Variants in SHISA6 observed in about 807,000 individuals in gnomAD.
The protein encoded by SHISA6 is shisa family member 6.
Under a neutral mutation model 47.9 loss-of-function variants are expected in SHISA6, and 22 were observed. The ratio of observed to expected loss-of-function variants is 0.46; its 90% CI spans 0.33 to 0.66. SHISA6 has a LOEUF of 0.66. Ranked by LOEUF, SHISA6 falls within the 30% of genes least tolerant of loss-of-function variation. SHISA6 has a pLI of 0.02. For missense variants in SHISA6, 680 were observed against 764.6 expected, an observed-to-expected ratio of 0.89 and a Z score of 1.30; for synonymous variants, 388 against 337.8, an observed-to-expected ratio of 1.15 and a Z score of -1.63.
chr17:11,317,921 C>A (rs1174276178), intron 2 of SHISA6, among the ~76,000 whole-genome samples: 1 of 151,744 alleles, frequency 6.6e-6, no homozygotes, highest in Non-Finnish European at 1.5e-5. Context: ...TAAGGTAAAC[C>A]CTTTTTACTT....
intron 3 of SHISA6, among the ~76,000 whole-genome samples, chr17:11,521,163 C>G (rs1000124605): frequency 6.6e-6 from 1 of 152,120 alleles, no homozygotes; most frequent in East Asian, 1.9e-4. Flanking sequence ...TATTTGCTAA[C>G]AAAAATTTCT....
intron 3 of SHISA6, among the ~76,000 whole-genome samples, chr17:11,544,478 A>G (rs2071864731): frequency 6.6e-6 from 1 of 152,224 alleles, no homozygotes; most frequent in African/African-American, 2.4e-5. Context: ...CATAAGGGAA[A>G]TGCACATTAA....
chr17:11,553,558 G>GTT (rs1283562119), intron 4 of SHISA6, among the ~76,000 whole-genome samples: 2 of 152,172 alleles, frequency 1.3e-5, no homozygotes, highest in Admixed American at 1.3e-4. Context: ...TGAGAGTAGA[G>GTT]TTTTCTCTGC....
Position 11,452,820 on chromosome 17 carries a change from A to G in SHISA6, c.895+73311A>G, listed in dbSNP as rs979027521. Among the ~76,000 whole-genome samples the G allele has an allele frequency of 5.3e-5, 7 of 132,624 alleles. No homozygotes were observed. The Admixed American group carries it at 5.6e-4, about 11-fold the overall frequency. 87.0% of individuals were successfully genotyped at this position (132,624 alleles called of 152,430 possible). ...TCATCCTCTCTTTTTTCCTCCTCTT[A>G]TTCTCCTCTTACTCTCTTCCTCTAC... On this transcript the variant is annotated intron_variant, in intron 3 of 5. Coordinates refer to ENST00000441885, the MANE Select transcript of SHISA6 (RefSeq NM_207386.4).
At position 11,241,590 on chromosome 17, in the gene SHISA6, C is replaced by T; in HGVS notation, c.168C>T (p.Arg56=). Residue 56 remains arginine, a synonymous_variant, in exon 1 of 6, where the codon CGC becomes CGT. Transcript: ENST00000441885. This position sits in a 1 kb window ranked among gnomAD's most constrained non-coding sequence, Gnocchi z 5.5. The stretch of plus-strand genomic sequence containing the variant: ...GGGGCGCCCTGGCACGGGGCGGCCG[C>T]GAGCTGAACGGCACCGCCCGGGCGC... ...RAGGALARGG[R]ELNGTARAPG... is the part of the protein sequence containing the mutation. The T allele has an allele frequency of 7.7e-6, 9 of 1,176,356 alleles. No homozygotes were observed. The highest frequency in any genetic ancestry group is 7.3e-6 in the Non-Finnish European group (7 of 955,656). The allele number at this position is 1,176,356 out of a possible 1,614,324, so 72.9% of individuals were successfully genotyped here.
chr17:11,555,283 A>G (rs967902094), intron 4 of SHISA6, among the ~76,000 whole-genome samples: 21 of 152,096 alleles, frequency 1.4e-4, no homozygotes, highest in African/African-American at 3.9e-4. Flanking sequence ...CAGTTCTTCT[A>G]TGGGTACATA....
intron 2 of SHISA6, among the ~76,000 whole-genome samples, chr17:11,336,218 G>GTAA (rs1042956584): frequency 9.2e-5 from 14 of 151,844 alleles, no homozygotes; most frequent in African/African-American, 3.4e-4. Flanking sequence ...AGAAATAATA[G>GTAA]TAATAATAAT....
chr17:11,291,226 T>A (rs1035492316), intron 2 of SHISA6, among the ~76,000 whole-genome samples: 1 of 151,862 alleles, frequency 6.6e-6, no homozygotes, highest in Non-Finnish European at 1.5e-5. Flanking sequence ...CCCATGCATA[T>A]AATTAAAATA....
At chr17:11,348,237 A>G (rs924540261) in intron 2 of SHISA6, among the ~76,000 whole-genome samples, 1 of 152,164 alleles carries the variant, frequency 6.6e-6, no homozygotes, top group African/African-American at 2.4e-5. Flanking sequence ...TGCTCTATTT[A>G]TGGGACCAAA....
rs181520053 is a variant in SHISA6, at chr17:11,385,106, T to G, written c.895+5597T>G. On this transcript the variant is annotated intron_variant, in intron 3 of 5. Transcript: ENST00000441885. ...AGTAGGTCCAATGGAGTTAGGAGCT[T>G]TGGAGCAATTAAGGCAGGGAATGGA... Among the ~76,000 whole-genome samples the G allele has an allele frequency of 8.9e-4, 135 of 152,166 alleles. 3 individuals are homozygous for G. The highest frequency in any genetic ancestry group is 3.1e-3 in the African/African-American group (128 of 41,496).
intron 2 of SHISA6, among the ~76,000 whole-genome samples, chr17:11,294,093 C>T (rs1003206668): frequency 1.7e-4 from 26 of 151,974 alleles, no homozygotes; most frequent in Non-Finnish European, 2.4e-4. Context: ...ACCATGTTGA[C>T]CAGGATGGTC....
At chr17:11,265,179 G>T (rs1908381237) in intron 2 of SHISA6, among the ~76,000 whole-genome samples, 1 of 152,150 alleles carries the variant, frequency 6.6e-6, no homozygotes, top group South Asian at 2.1e-4. Flanking sequence ...GAATTTCTAG[G>T]GATGGTGCTG....
At chr17:11,307,525 T>C (rs1910166568) in intron 2 of SHISA6, among the ~76,000 whole-genome samples, 2 of 152,228 alleles carry the variant, frequency 1.3e-5, no homozygotes. Context: ...AGTACTCTTA[T>C]TCATCTTTCT....
chr17:11,442,981 T>C (rs1296902304), intron 3 of SHISA6, among the ~76,000 whole-genome samples: 1 of 152,182 alleles, frequency 6.6e-6, no homozygotes, highest in Non-Finnish European at 1.5e-5. Context: ...ATCCTGGTAG[T>C]TCTTAGCAGA....
intron 3 of SHISA6, among the ~76,000 whole-genome samples, chr17:11,480,351 A>G (rs1916178823): frequency 6.6e-6 from 1 of 152,044 alleles, no homozygotes; most frequent in African/African-American, 2.4e-5. Context: ...CCTATCATAT[A>G]TTCTTAAATA....
intron 3 of SHISA6, among the ~76,000 whole-genome samples, chr17:11,405,987 C>G (rs1913944247): frequency 6.6e-6 from 1 of 152,152 alleles, no homozygotes; most frequent in East Asian, 1.9e-4. Flanking sequence ...CTAGACAGTA[C>G]ATATTTTCAT....
intron 4 of SHISA6, among the ~76,000 whole-genome samples, chr17:11,555,538 G>A (rs1312823330): frequency 2.0e-5 from 3 of 151,914 alleles, no homozygotes; most frequent in Non-Finnish European, 4.4e-5. Flanking sequence ...CTGTCTTGGT[G>A]GTGGCTAAAA....
chr17:11,483,828 C>T lies in SHISA6; in HGVS notation c.896-68068C>T, dbSNP rs1015653938. ...AAAATTTGCTAGGAGTGGTGGTGTG[C>T]GCCTGTAATCCCAGCTATTCAGGAG... On this transcript the variant is annotated intron_variant, in intron 3 of 5. Transcript: ENST00000441885. Among the ~76,000 whole-genome samples the T allele has an allele frequency of 7.9e-5, 12 of 151,988 alleles. No homozygotes were observed. The South Asian group carries it at 1.5e-3, about 18-fold the overall frequency.
chr17:11,329,516 C>T (rs1467522090), intron 2 of SHISA6, among the ~76,000 whole-genome samples: 1 of 152,020 alleles, frequency 6.6e-6, no homozygotes, highest in Non-Finnish European at 1.5e-5. Flanking sequence ...CTCTTCCCTG[C>T]AAACTCCAGA....
Sources: allele counts gnomAD v4.1 joint callset (sites outside exome capture counted in the v4.1 genomes callset), GRCh38; gene constraint gnomAD v4.1.1; non-coding constraint Gnocchi (gnomAD v3.1); transcripts MANE v1.5; gene names NCBI Gene and HGNC (gene_info 2026-07-23, HGNC 2026-07-21).